IMPG1: variants seen among roughly 807,000 people sequenced by gnomAD.
The protein encoded by IMPG1 is interphotoreceptor matrix proteoglycan 1, also known as interphotoreceptor matrix proteoglycan of 150 kDa.
Under a neutral mutation model 92.0 loss-of-function variants are expected in IMPG1, and 85 were observed. The ratio of observed to expected loss-of-function variants is 0.92; its 90% CI spans 0.78 to 1.11. The LOEUF (loss-of-function observed/expected upper bound fraction) is 1.11. Among genes scored for constraint, IMPG1 ranks in the 50% least tolerant of loss-of-function variants. The probability of loss-of-function intolerance (pLI) is 0.00; values close to 1 mark genes in which losing one functional copy is unlikely to be tolerated. For synonymous variants in IMPG1, 367 were observed against 334.1 expected (o/e 1.10, Z -1.08); for missense variants, 1,022 against 956.0 (o/e 1.07, Z -0.91).
chr6:76,069,800 C>A (rs1784376975), intron 1 of IMPG1, among the ~76,000 whole-genome samples: 1 of 151,024 alleles, frequency 6.6e-6, no homozygotes, highest in Non-Finnish European at 1.5e-5. Flanking sequence ...AGCCATAAAA[C>A]AAACCAAAAA....
rs1049253167 is a variant in IMPG1 at position 76,060,551 on chromosome 6, T to A, written c.67+11871A>T. On this transcript the variant is annotated intron_variant, in intron 1 of 16. Coordinates refer to ENST00000369950, the MANE Select transcript of IMPG1 (RefSeq NM_001563.4). ...CCCTCCTCCTTTATTACAGGTTTCATCTGCCTTGGTGCTCTTGTTTTGTGA... is the reference window on the plus strand; with the variant it reads ...CCCTCCTCCTTTATTACAGGTTTCAACTGCCTTGGTGCTCTTGTTTTGTGA... Among the ~76,000 whole-genome samples the A allele has an allele frequency of 5.9e-5, 9 of 152,212 alleles. No homozygotes were observed. The South Asian group carries it at 6.2e-4, about 10-fold the overall frequency.
At chr6:76,030,424 A>AC (rs746294134) in intron 4 of IMPG1, among the ~76,000 whole-genome samples, 1 of 151,992 alleles carries the variant, frequency 6.6e-6, no homozygotes, top group Non-Finnish European at 1.5e-5. Flanking sequence ...TTCAGTCTGT[A>AC]CCCCTTTCAA....
At chr6:76,002,760 T>C (rs911908255) in intron 12 of IMPG1, among the ~76,000 whole-genome samples, 158 bp downstream of exon 12, 1 of 152,248 alleles carries the variant, frequency 6.6e-6, no homozygotes, top group Non-Finnish European at 1.5e-5. Flanking sequence ...GCAGAAAGGT[T>C]AGTTCAATGG....
intron 14 of IMPG1, among the ~76,000 whole-genome samples, chr6:75,947,046 C>G (rs941767837): frequency 6.6e-6 from 1 of 152,100 alleles, no homozygotes; most frequent in Non-Finnish European, 1.5e-5. Context: ...AAGTTTTGTT[C>G]TGATTAAACT....
chr6:76,050,487 T>C (rs1784022488), intron 1 of IMPG1, among the ~76,000 whole-genome samples: 1 of 152,154 alleles, frequency 6.6e-6, no homozygotes, highest in South Asian at 2.1e-4. Flanking sequence ...TATTAGCTAC[T>C]GTGAAAGCCA....
chr6:75,950,867 G>T lies in IMPG1; in HGVS notation c.1519C>A (p.Arg507=). The part of the protein sequence containing the change: ...SHPPASSDDS[R]SSAGGEDMVR... ...ATATCTTCGCCACCTGCACTTGATC[G>T]GCTGTCATCTGAAGATGCAGGTGGA... Residue 507 remains arginine, a synonymous_variant, in exon 13 of 17, where the codon CGA becomes AGA. Coordinates refer to ENST00000369950, the MANE Select transcript of IMPG1 (RefSeq NM_001563.4). The T allele has an allele frequency of 6.2e-7, 1 of 1,613,852 alleles. No individual in the cohort carries two copies. The highest frequency in any genetic ancestry group is 1.3e-5 in the African/African-American group (1 of 75,022).
intron 6 of IMPG1, among the ~76,000 whole-genome samples, chr6:76,019,224 G>T (rs1783371714): frequency 6.6e-6 from 1 of 152,126 alleles, no homozygotes; most frequent in Non-Finnish European, 1.5e-5. Flanking sequence ...CATCCTTCTT[G>T]CCTGTTGGTC....
Position 75,924,693 on chromosome 6 carries a change from A to ATATATAT in IMPG1, c.2244-988_2244-987insATATATA, listed in dbSNP as rs375540782. ...AATTATATATTATATATTATATATA[A>ATATATAT]ATAATTATATATAATATATAATATA... On this transcript the variant is annotated intron_variant, in intron 15 of 16. Coordinates refer to ENST00000369950, the MANE Select transcript of IMPG1 (RefSeq NM_001563.4). 5.0e-4 allele frequency among the ~76,000 whole-genome samples: 2 copies of ATATATAT among 4,036 alleles called. 1 individual carries two copies. The highest frequency in any genetic ancestry group is 8.8e-4 in the African/African-American group (2 of 2,276). 2.6% of individuals were successfully genotyped at this position (4,036 alleles called of 152,430 possible).
At chr6:76,062,064 G>A (rs1250168634) in intron 1 of IMPG1, among the ~76,000 whole-genome samples, 1 of 152,086 alleles carries the variant, frequency 6.6e-6, no homozygotes, top group Non-Finnish European at 1.5e-5. Flanking sequence ...GCACAGTATT[G>A]GGTATATGGT....
At chr6:75,934,574 A>G (rs1281851306) in intron 14 of IMPG1, among the ~76,000 whole-genome samples, 2 of 152,212 alleles carry the variant, frequency 1.3e-5, no homozygotes, top group Admixed American at 1.3e-4. Flanking sequence ...TTTACAGTCA[A>G]AGTTAAAAAG....
chr6:76,034,235 G>T, intron 4 of IMPG1, 80 bp downstream of exon 4: 2 of 1,329,586 alleles, frequency 1.5e-6, no homozygotes, highest in Non-Finnish European at 2.1e-6. Context: ...CCTACAGGTA[G>T]AATAGCTTAG....
chr6:75,997,332 T>C (rs1444322836), intron 12 of IMPG1, among the ~76,000 whole-genome samples: 1 of 152,246 alleles, frequency 6.6e-6, no homozygotes, highest in Non-Finnish European at 1.5e-5. Context: ...TCGGCTGAGT[T>C]GTTCTTAAAA....
In IMPG1 at chr6:76,046,100, AAT is replaced by A. The variant is rs1783936473; in HGVS notation, c.68-3976_68-3975del. ...GGCAAAGTGATTTCAGAAAAAAAAA[AAT>A]AACCACCTTTACTTTAAGTTGAAAA... On this transcript the variant is annotated intron_variant, in intron 1 of 16. Transcript: ENST00000369950. Among the ~76,000 whole-genome samples, 4 of 152,246 alleles carry A rather than the reference AAT, an allele frequency of 2.6e-5. No homozygotes were observed. The South Asian group carries it at 8.3e-4, about 32-fold the overall frequency.
rs142930833 is a variant in IMPG1 at position 76,035,217 on chromosome 6, C to T, written c.302-430G>A. ...AGAGGATGAAGATAGAAAGATGTGG[C>T]GAGGGCCAGGCGTGGTGGCTAATGC... On this transcript the variant is annotated intron_variant, in intron 2 of 16. Coordinates refer to ENST00000369950, the MANE Select transcript of IMPG1 (RefSeq NM_001563.4). Among the ~76,000 whole-genome samples the T allele has an allele frequency of 6.1e-3, 925 of 151,960 alleles. 8 individuals carry two copies. The highest frequency in any genetic ancestry group is 0.021 in the African/African-American group (870 of 41,448).
At chr6:75,981,374 C>T (rs981141714) in intron 12 of IMPG1, among the ~76,000 whole-genome samples, 9 of 152,136 alleles carry the variant, frequency 5.9e-5, no homozygotes, top group Admixed American at 1.3e-4. Flanking sequence ...ATTGAAGTTC[C>T]TTTAGAGGCG....
rs1483945234 is a variant in IMPG1 at position 76,034,633 on chromosome 6, A to T, written c.456T>A (p.Asp152Glu). ...KNFSNSQEHL[D>E]LLQQRIKQRS... ...TGTTTAGGCTCACCTGCTGGAGAAG[A>T]TCCAGGTGCTCCTGGGAATTGCTGA... Residue 152 changes from aspartate (D) to glutamate (E), a missense_variant, in exon 3 of 17, where the codon GAT becomes GAA. Physicochemically the swap from Asp to Glu is conservative, Grantham distance 45. Coordinates refer to ENST00000369950, the MANE Select transcript of IMPG1 (RefSeq NM_001563.4). 2 of 1,614,030 alleles carry T rather than the reference A, an allele frequency of 1.2e-6. No individual in the cohort carries two copies. Among genetic ancestry groups the T allele is most frequent in the Non-Finnish European group, 1.7e-6 (2 of 1,179,998 alleles).
intron 12 of IMPG1, among the ~76,000 whole-genome samples, chr6:75,978,675 A>G (rs1782577123): frequency 6.6e-6 from 1 of 152,208 alleles, no homozygotes; most frequent in South Asian, 2.1e-4. Flanking sequence ...TATTTGTTAA[A>G]CAAAAATTAT....
At chr6:75,977,231 T>G (rs1192253416) in intron 12 of IMPG1, among the ~76,000 whole-genome samples, 1 of 152,192 alleles carries the variant, frequency 6.6e-6, no homozygotes, top group Non-Finnish European at 1.5e-5. Flanking sequence ...ATAAATTGCT[T>G]TAATTAATCT....
intron 14 of IMPG1, among the ~76,000 whole-genome samples, chr6:75,940,381 T>G (rs1350924020): frequency 6.6e-6 from 1 of 152,244 alleles, no homozygotes; most frequent in African/African-American, 2.4e-5. Flanking sequence ...ATTTAATGGA[T>G]TTTATTAATT....
Sources: gnomAD v4.1 joint callset for allele counts (sites outside exome capture counted in the v4.1 genomes callset) on GRCh38, gnomAD v4.1.1 for gene constraint, MANE v1.5 for transcripts, NCBI Gene and HGNC (gene_info 2026-07-23, HGNC 2026-07-21) for gene names.